TOX: variants seen among roughly 807,000 people sequenced by gnomAD.
TOX encodes thymocyte selection-associated high mobility group box protein TOX.
In TOX, 11 loss-of-function variants were observed where a neutral mutation model predicts 53.7. That is an observed-to-expected ratio of 0.20 (90% CI 0.13 to 0.34). The LOEUF is 0.34. TOX is among the 10% of genes least tolerant of loss of function. The pLI is 1.00. For missense variants in TOX, 570 were observed against 664.6 expected, an observed-to-expected ratio of 0.86 and a Z score of 1.56; for synonymous variants, 225 against 245.3, an observed-to-expected ratio of 0.92 and a Z score of 0.77.
At chr8:59,103,081 T>C (rs2129424505) in intron 1 of TOX, among the ~76,000 whole-genome samples, 1 of 152,308 alleles carries the variant, frequency 6.6e-6, no homozygotes, top group Non-Finnish European at 1.5e-5. Context: ...CACCTACACA[T>C]AGGATATTTG....
intron 3 of TOX, among the ~76,000 whole-genome samples, chr8:58,920,956 T>C (rs1812063028): frequency 1.3e-5 from 2 of 152,178 alleles, no homozygotes; most frequent in Admixed American, 6.5e-5. Context: ...ATTGTGAAGA[T>C]TCCTGTAAAT....
chr8:58,845,685 A>G (rs1810708653), intron 4 of TOX, among the ~76,000 whole-genome samples: 1 of 152,116 alleles, frequency 6.6e-6, no homozygotes, highest in African/African-American at 2.4e-5. Flanking sequence ...AAGCAATTTC[A>G]TTTTTAAGGA....
intron 3 of TOX, among the ~76,000 whole-genome samples, chr8:58,852,672 A>T (rs1292345202): frequency 6.6e-6 from 1 of 152,178 alleles, no homozygotes; most frequent in Non-Finnish European, 1.5e-5. Context: ...TCAAACTTAA[A>T]ATAATGGAGA....
chr8:59,054,957 G>A (rs1254374406), intron 1 of TOX, among the ~76,000 whole-genome samples: 3 of 143,818 alleles, frequency 2.1e-5, no homozygotes, highest in Non-Finnish European at 4.5e-5. Flanking sequence ...AAGAGAGGAG[G>A]GAGGGAGGAA....
chr8:58,932,665 A>G (rs541575523), intron 3 of TOX, among the ~76,000 whole-genome samples: 2 of 152,272 alleles, frequency 1.3e-5, no homozygotes, highest in Non-Finnish European at 2.9e-5. Flanking sequence ...GCATTATTCA[A>G]TAAGCCAGTG....
At chr8:59,080,647 G>A (rs1299499310) in intron 1 of TOX, among the ~76,000 whole-genome samples, 1 of 152,076 alleles carries the variant, frequency 6.6e-6, no homozygotes, top group African/African-American at 2.4e-5. Flanking sequence ...TGGATCATGG[G>A]GGCAGATTCC....
At chr8:58,874,550 A>T (rs1811254447) in intron 3 of TOX, among the ~76,000 whole-genome samples, 2 of 152,196 alleles carry the variant, frequency 1.3e-5, no homozygotes, top group South Asian at 4.1e-4. Flanking sequence ...AGGAAAGTCT[A>T]CTTGTATTGG....
intron 1 of TOX, among the ~76,000 whole-genome samples, chr8:59,048,253 G>A (rs1803724704): frequency 6.6e-6 from 1 of 152,074 alleles, no homozygotes; most frequent in Non-Finnish European, 1.5e-5. Context: ...GACAAATTCT[G>A]TTCTTGACCA....
At position 59,118,930 on chromosome 8, in the gene TOX, A is replaced by G. The variant is rs569082451; in HGVS notation, c.58T>C (p.Cys20Arg). 2 of 1,601,796 alleles carry G rather than the reference A, an allele frequency of 1.2e-6. No homozygotes were observed. Among genetic ancestry groups the G allele is most frequent in the Admixed American group, 1.7e-5 (1 of 59,098 alleles). Reference protein sequence around the residue: ...AQPAAAPDAPCLGPSPCLDPY... With the variant: ...AQPAAAPDAPRLGPSPCLDPY... ...TCCAGGCAGGGAGAAGGTCCCAGAC[A>G]GGGAGCGTCGGGCGCAGCGGCGGGC... The change falls in exon 1 of 9, where the codon TGT becomes CGT. Residue 20 changes from cysteine to arginine, a missense_variant. Physicochemically the swap from Cys to Arg is radical, Grantham distance 180. Around this residue, in one of 3 missense-constraint regions of TOX, gnomAD observed 282 missense variants for 315.0 expected, o/e 0.90. Coordinates refer to ENST00000361421, the MANE Select transcript of TOX (RefSeq NM_014729.3). This position sits in a 1 kb window ranked among gnomAD's most constrained non-coding sequence, Gnocchi z 4.1.
At chr8:59,090,409 C>T (rs1054088143) in intron 1 of TOX, among the ~76,000 whole-genome samples, 1 of 152,190 alleles carries the variant, frequency 6.6e-6, no homozygotes, top group African/African-American at 2.4e-5. Flanking sequence ...CATCTAATGT[C>T]AAGAGGCGGA....
At chr8:58,948,837 T>C (rs1004984557) in intron 2 of TOX, among the ~76,000 whole-genome samples, 6 of 150,524 alleles carry the variant, frequency 4.0e-5, no homozygotes, top group Admixed American at 2.6e-4. Context: ...AATTAGAAAA[T>C]ATACATAGGA....
intron 3 of TOX, among the ~76,000 whole-genome samples, chr8:58,875,198 C>G (rs549259954): frequency 6.6e-6 from 1 of 152,274 alleles, no homozygotes; most frequent in Non-Finnish European, 1.5e-5. Context: ...GGGAGGCCAA[C>G]TAAGGAGATT....
chr8:58,962,369 A>C (rs1812814637), intron 1 of TOX, among the ~76,000 whole-genome samples: 1 of 152,226 alleles, frequency 6.6e-6, no homozygotes, highest in Non-Finnish European at 1.5e-5. Context: ...TACATGTATT[A>C]ACTGATTTAA....
At chr8:58,863,424 T>A (rs1811043457) in intron 3 of TOX, among the ~76,000 whole-genome samples, 1 of 152,172 alleles carries the variant, frequency 6.6e-6, no homozygotes, top group Non-Finnish European at 1.5e-5. Context: ...TATTTAGGAC[T>A]CACAGCAACC....
Position 59,117,721 on chromosome 8 carries a change from G to C in TOX, c.102+1165C>G, listed in dbSNP as rs113131885. ...GTCCCAACGATTTTTCCCGTGGAAT[G>C]CACCGAGGGTCGCCATGGATGTGCC... On this transcript the variant is annotated intron_variant, in intron 1 of 8. Coordinates refer to ENST00000361421, the MANE Select transcript of TOX (RefSeq NM_014729.3). The surrounding 1 kb of genome is among the most constrained non-coding windows in gnomAD (Gnocchi z 4.6). Among the ~76,000 whole-genome samples the C allele has an allele frequency of 6.6e-6, 1 of 152,238 alleles. No individual in the cohort carries two copies. Among genetic ancestry groups the C allele is most frequent in the Non-Finnish European group, 1.5e-5 (1 of 68,034 alleles).
intron 1 of TOX, among the ~76,000 whole-genome samples, chr8:59,095,512 T>C (rs905609730): frequency 6.6e-6 from 1 of 152,166 alleles, no homozygotes; most frequent in Non-Finnish European, 1.5e-5. Context: ...GTTCAAGCAA[T>C]TCTCCTGTCT....
chr8:59,099,178 C>T lies in TOX; in HGVS notation c.102+19708G>A, dbSNP rs1337051832. Among the ~76,000 whole-genome samples the T allele has an allele frequency of 2.6e-5, 4 of 152,120 alleles. No individual in the cohort carries two copies. The East Asian group carries it at 7.7e-4, about 29-fold the overall frequency. On this transcript the variant is annotated intron_variant, in intron 1 of 8. Coordinates refer to ENST00000361421, the MANE Select transcript of TOX (RefSeq NM_014729.3). ...ATTGTGGAGTTTACTATTTAACAAG[C>T]CAATGGATTTCTCTGACTTCTTGGG...
chr8:58,835,136 C>T (rs923493341), intron 5 of TOX, among the ~76,000 whole-genome samples: 1 of 152,044 alleles, frequency 6.6e-6, no homozygotes, highest in African/African-American at 2.4e-5. Flanking sequence ...TTATATAAGT[C>T]AACTATTATA....
chr8:58,838,266 G>T lies in TOX; in HGVS notation c.739C>A (p.Pro247Thr), dbSNP rs201277886. Residue 247 changes from proline to threonine, a missense_variant, in exon 5 of 9, where the codon CCA (proline) becomes ACA (threonine). Transcript: ENST00000361421. The stretch of plus-strand genomic sequence containing the variant: ...TTCTTCTTCTTTTTGGGAGTTTTTG[G>T]TTTTTTCCCCATATCAGAGGCAGGC... The part of the protein sequence containing the change: ...KRPASDMGKK[P>T]KTPKKKKKKD... 7.6e-5 allele frequency: 123 copies of T among 1,613,970 alleles called. No homozygotes were observed. Among genetic ancestry groups the T allele is most frequent in the East Asian group, 7.1e-4 (32 of 44,884 alleles).
Sources: gnomAD v4.1 joint callset for allele counts (sites outside exome capture counted in the v4.1 genomes callset) on GRCh38, gnomAD v4.1.1 for gene constraint, gnomAD v4.1.1 regional missense constraint, Gnocchi (gnomAD v3.1) non-coding constraint, MANE v1.5 for transcripts, NCBI Gene and HGNC (gene_info 2026-07-23, HGNC 2026-07-21) for gene names.